The following GRIA4 variants were observed in gnomAD, a reference collection of about 807,000 sequenced individuals.
The protein encoded by GRIA4 is glutamate ionotropic receptor AMPA type subunit 4.
A neutral mutation model predicts 104.0 loss-of-function variants in GRIA4; 34 were observed. The observed-to-expected ratio is 0.33, with a 90% CI of 0.25 to 0.44. The LOEUF (loss-of-function observed/expected upper bound fraction) is 0.44, where lower values mean the gene tolerates loss of function less well. Among genes scored for constraint, GRIA4 ranks in the 20% least tolerant of loss-of-function variants. The pLI, the probability that GRIA4 is intolerant of heterozygous loss-of-function variation, is 1.00. For missense variants in GRIA4, 750 were observed against 1,096.5 expected (o/e 0.68, Z 4.46); for synonymous variants, 386 against 381.9 (o/e 1.01, Z -0.13).
rs143142571 is a variant in GRIA4 at position 105,827,493 on chromosome 11, C to T, written c.488-34531C>T. Among the ~76,000 whole-genome samples, 1,041 of 152,010 alleles carry T rather than the reference C, an allele frequency of 6.8e-3. 20 individuals are homozygous for T. The highest frequency in any genetic ancestry group is 0.024 in the African/African-American group (1,003 of 41,512). On this transcript the variant is annotated intron_variant, in intron 4 of 16. Transcript: ENST00000282499. ...ATAAACTTATCTTAAAATAAATCTT[C>T]TTCATTTCAGAGGTTTACTAAAATG...
At chr11:105,911,572 A>C (rs189774717) in intron 10 of GRIA4, among the ~76,000 whole-genome samples, 10 of 151,170 alleles carry the variant, frequency 6.6e-5, no homozygotes, top group Non-Finnish European at 1.3e-4. Flanking sequence ...AGTGATATTA[A>C]GGTTAAAGCA....
At chr11:105,919,593 C>T (rs192107840) in intron 11 of GRIA4, among the ~76,000 whole-genome samples, 1 of 152,214 alleles carries the variant, frequency 6.6e-6, no homozygotes, top group East Asian at 1.9e-4. Flanking sequence ...ATTGAGTGTA[C>T]ACATTCATAG....
chr11:105,626,887 G>A (rs920755006), intron 3 of GRIA4, among the ~76,000 whole-genome samples: 1 of 152,172 alleles, frequency 6.6e-6, no homozygotes, highest in African/African-American at 2.4e-5. Flanking sequence ...ACTGATTTAT[G>A]GAGCTCATAG....
intron 14 of GRIA4, among the ~76,000 whole-genome samples, chr11:105,958,645 G>A (rs2136255626): frequency 6.6e-6 from 1 of 152,222 alleles, no homozygotes; most frequent in African/African-American, 2.4e-5. Flanking sequence ...AGTTAGGGAG[G>A]ATTCTCTCTT....
At chr11:105,725,814 C>T (rs1938168636) in intron 3 of GRIA4, among the ~76,000 whole-genome samples, 1 of 152,108 alleles carries the variant, frequency 6.6e-6, no homozygotes, top group South Asian at 2.1e-4. Flanking sequence ...CTCCCCTAGC[C>T]AAGAGAAGCC....
intron 3 of GRIA4, among the ~76,000 whole-genome samples, chr11:105,695,949 A>G (rs1387137119): frequency 1.3e-5 from 2 of 152,204 alleles, no homozygotes; most frequent in African/African-American, 4.8e-5. Context: ...AGTCTGTAAA[A>G]GGTCCTCATC....
At chr11:105,922,651 C>T (rs1014751510) in intron 11 of GRIA4, among the ~76,000 whole-genome samples, 2 of 151,816 alleles carry the variant, frequency 1.3e-5, no homozygotes, top group African/African-American at 4.8e-5. Flanking sequence ...GAAAAGTGTT[C>T]ATTATATTAT....
chr11:105,689,185 G>C (rs1442821175), intron 3 of GRIA4, among the ~76,000 whole-genome samples: 4 of 152,154 alleles, frequency 2.6e-5, no homozygotes, highest in African/African-American at 9.7e-5. Flanking sequence ...GTTATTTGAA[G>C]GCATCACCAA....
chr11:105,726,528 G>A (rs1481387083), intron 3 of GRIA4, among the ~76,000 whole-genome samples: 1 of 152,176 alleles, frequency 6.6e-6, no homozygotes, highest in Non-Finnish European at 1.5e-5. Context: ...TCCCAGCACA[G>A]CACTAGAGCT....
chr11:105,691,310 T>A (rs1227653986), intron 3 of GRIA4, among the ~76,000 whole-genome samples: 1 of 152,130 alleles, frequency 6.6e-6, no homozygotes, highest in Non-Finnish European at 1.5e-5. Context: ...AAAAATTGTT[T>A]CCAGAAAGTG....
intron 3 of GRIA4, among the ~76,000 whole-genome samples, chr11:105,648,740 A>G (rs1229424957): frequency 6.6e-6 from 1 of 152,224 alleles, no homozygotes; most frequent in Non-Finnish European, 1.5e-5. Context: ...CATTTGGCCT[A>G]TGCCTGATAA....
chr11:105,808,967 G>C (rs1943062490), intron 4 of GRIA4, among the ~76,000 whole-genome samples: 1 of 152,074 alleles, frequency 6.6e-6, no homozygotes, highest in South Asian at 2.1e-4. Context: ...AGGTCAGTTA[G>C]TCATCATTTC....
At chr11:105,928,706 C>T (rs1037666259) in intron 13 of GRIA4, among the ~76,000 whole-genome samples, 2 of 151,858 alleles carry the variant, frequency 1.3e-5, no homozygotes, top group Non-Finnish European at 2.9e-5. Context: ...CATCATTCTG[C>T]CTTGAGTGAT....
At chr11:105,633,181 T>A (rs1053108366) in intron 3 of GRIA4, among the ~76,000 whole-genome samples, 1 of 152,194 alleles carries the variant, frequency 6.6e-6, no homozygotes, top group Non-Finnish European at 1.5e-5. Flanking sequence ...AAAAGATGAA[T>A]TTATTATGCC....
rs2136302587 is a variant in GRIA4 at position 105,980,697 on chromosome 11, G to T, written c.*958G>T. 1 of 152,716 alleles carries T rather than the reference G, an allele frequency of 6.5e-6. No individual in the cohort carries two copies. The highest frequency in any genetic ancestry group is 1.9e-4 in the East Asian group (1 of 5,186). 9.5% of individuals were successfully genotyped at this position (152,716 alleles called of 1,614,324 possible). A position where few individuals can be genotyped will look rare whatever the true frequency, so the allele number is the denominator to read the frequency against. On this transcript the variant is annotated 3_prime_UTR_variant, in exon 17 of 17. Coordinates refer to ENST00000282499, the MANE Select transcript of GRIA4 (RefSeq NM_000829.4). ...ACCCACCAAAAAGAATAAAACAGCA[G>T]ATGTTCTTACAATATCTACAGAGCT...
chr11:105,858,960 G>T (rs375763622), intron 4 of GRIA4, among the ~76,000 whole-genome samples: 14 of 152,216 alleles, frequency 9.2e-5, no homozygotes, highest in Non-Finnish European at 7.4e-5. Flanking sequence ...TTAACTACAT[G>T]ATATTCATCT....
At chr11:105,933,472 T>C (rs1947942765) in intron 13 of GRIA4, among the ~76,000 whole-genome samples, 1 of 152,092 alleles carries the variant, frequency 6.6e-6, no homozygotes, top group South Asian at 2.1e-4. Flanking sequence ...GTAACTGTTA[T>C]GGTAAGAGGT....
chr11:105,877,083 C>T (rs1006040575), intron 5 of GRIA4, among the ~76,000 whole-genome samples: 1 of 150,958 alleles, frequency 6.6e-6, no homozygotes, highest in African/African-American at 2.4e-5. Context: ...AGTGCTTCAG[C>T]AGCTCTTGTA....
At chr11:105,628,000 TAAAA>T (rs1165699348) in intron 3 of GRIA4, among the ~76,000 whole-genome samples, 3 of 151,970 alleles carry the variant, frequency 2.0e-5, no homozygotes, top group African/African-American at 7.3e-5. Context: ...TACAGAGTAA[TAAAA>T]ACTTGTTAAA....
Sources: gnomAD v4.1 joint callset for allele counts (sites outside exome capture counted in the v4.1 genomes callset) on GRCh38, gnomAD v4.1.1 for gene constraint, MANE v1.5 for transcripts, NCBI Gene and HGNC (gene_info 2026-07-23, HGNC 2026-07-21) for gene names.